SNAP91: variants seen among roughly 807,000 people sequenced by gnomAD.
The protein encoded by SNAP91 is clathrin coat assembly protein AP180.
A neutral mutation model predicts 100.3 loss-of-function variants in SNAP91; 27 were observed. The ratio of observed to expected loss-of-function variants is 0.27; its 90% CI spans 0.20 to 0.37. SNAP91 has a LOEUF of 0.37. Among genes scored for constraint, SNAP91 ranks in the 10% least tolerant of loss-of-function variants. The pLI is 1.00. For synonymous variants in SNAP91, 404 were observed against 398.6 expected (o/e 1.01, Z -0.16); for missense variants, 986 against 1,123.7 (o/e 0.88, Z 1.75).
chr6:83,574,503 T>G (rs1814566593), intron 26 of SNAP91, among the ~76,000 whole-genome samples: 2 of 152,106 alleles, frequency 1.3e-5, no homozygotes, highest in African/African-American at 4.8e-5. Flanking sequence ...TAAAATGAAC[T>G]TACACAATAA....
Position 83,582,551 on chromosome 6 carries a change from AG to A in SNAP91, c.2015-196del, listed in dbSNP as rs547755750. Reference sequence around the variant, plus strand: ...TTGAAATCTGACATGCATTAATGAGAGATTTAATTTAATTAGAAATAAGATA... The same window carrying A: ...TTGAAATCTGACATGCATTAATGAGAATTTAATTTAATTAGAAATAAGATA... On this transcript the variant is annotated intron_variant, in intron 22 of 29. Transcript: ENST00000369694. Among the ~76,000 whole-genome samples the A allele has an allele frequency of 2.6e-3, 395 of 152,326 alleles. 2 individuals are homozygous for A. Among genetic ancestry groups the A allele is most frequent in the Non-Finnish European group, 4.7e-3 (317 of 68,026 alleles).
intron 5 of SNAP91, among the ~76,000 whole-genome samples, chr6:83,659,905 A>C (rs2098504353): frequency 6.6e-6 from 1 of 152,184 alleles, no homozygotes; most frequent in Non-Finnish European, 1.5e-5. Flanking sequence ...CAAAGGTAAG[A>C]GTTTAGCTAC....
At chr6:83,605,030 C>A (rs2095522655) in intron 14 of SNAP91, among the ~76,000 whole-genome samples, 1 of 152,022 alleles carries the variant, frequency 6.6e-6, no homozygotes, top group African/African-American at 2.4e-5. Flanking sequence ...CATTATGAAG[C>A]AATTACTTTA....
intron 8 of SNAP91, among the ~76,000 whole-genome samples, chr6:83,629,555 T>C (rs2097121574): frequency 6.6e-6 from 1 of 152,068 alleles, no homozygotes; most frequent in African/African-American, 2.4e-5. Context: ...TAGTTTTCCT[T>C]GTAGAGGTCT....
At chr6:83,571,791 A>G (rs961967694) in intron 26 of SNAP91, among the ~76,000 whole-genome samples, 1 of 152,148 alleles carries the variant, frequency 6.6e-6, no homozygotes, top group African/African-American at 2.4e-5. Flanking sequence ...GAGCAGAATG[A>G]TATGGTTTGG....
chr6:83,651,678 A>G (rs963632049), intron 7 of SNAP91, among the ~76,000 whole-genome samples: 1 of 152,088 alleles, frequency 6.6e-6, no homozygotes, highest in African/African-American at 2.4e-5. Context: ...CTACTGGTGA[A>G]TGTTCTATGC....
intron 14 of SNAP91, 33 bp downstream of exon 14, chr6:83,605,652 A>G: frequency 6.5e-7 from 1 of 1,549,796 alleles, no homozygotes; most frequent in Non-Finnish European, 8.7e-7. Flanking sequence ...TAAAATGAAT[A>G]GAGAAATGGC....
At chr6:83,708,721 C>T (rs1190828853) in intron 1 of SNAP91, 124 bp downstream of exon 1, 1 of 152,554 alleles carries the variant, frequency 6.6e-6, no homozygotes, top group African/African-American at 2.4e-5. Flanking sequence ...CCCCGCCCGC[C>T]CTGGAGCGCT....
chr6:83,646,361 T>C (rs1464149979), intron 7 of SNAP91, among the ~76,000 whole-genome samples: 7 of 152,232 alleles, frequency 4.6e-5, no homozygotes. Context: ...TTTTGCATTT[T>C]ACATTTAGGT....
chr6:83,661,742 T>C (rs2098546796), intron 4 of SNAP91, 138 bp from the exon 5 acceptor site: 1 of 439,616 alleles, frequency 2.3e-6, no homozygotes, highest in Non-Finnish European at 4.0e-6. Flanking sequence ...ATAGATCTCA[T>C]TTAAAATCCT....
At chr6:83,633,883 G>A (rs2128490752) in intron 8 of SNAP91, among the ~76,000 whole-genome samples, 2 of 151,056 alleles carry the variant, frequency 1.3e-5, no homozygotes, top group East Asian at 4.0e-4. Context: ...CCTCCCCCGA[G>A]TTCTGGCCAA....
chr6:83,607,763 T>C lies in SNAP91; in HGVS notation c.958A>G (p.Lys320Glu). Residue 320 changes from lysine (K) to glutamate (E), a missense_variant, in exon 13 of 30, where the codon AAA becomes GAA. Coordinates refer to ENST00000369694, the MANE Select transcript of SNAP91 (RefSeq NM_001242792.2). ...TVTSPNSTPA[K>E]TIDTSPPVDL... ...ACCGGTGGGGATGTGTCAATAGTTT[T>C]AGCTGGTGTAGAATTAGGAGACGTA... 1.9e-6 allele frequency: 3 copies of C among 1,595,294 alleles called. No individual in the cohort carries two copies. Among genetic ancestry groups the C allele is most frequent in the Non-Finnish European group, 1.7e-6 (2 of 1,170,722 alleles).
chr6:83,612,982 C>T (rs913679189), intron 11 of SNAP91, among the ~76,000 whole-genome samples: 3 of 151,404 alleles, frequency 2.0e-5, no homozygotes, highest in African/African-American at 7.3e-5. Flanking sequence ...ATAACATCTT[C>T]TACCCCACAG....
intron 9 of SNAP91, among the ~76,000 whole-genome samples, chr6:83,620,643 T>A (rs1291587002): frequency 6.6e-6 from 1 of 152,124 alleles, no homozygotes; most frequent in African/African-American, 2.4e-5. Context: ...ACCACAGTAT[T>A]AAGAAATTTC....
intron 2 of SNAP91, among the ~76,000 whole-genome samples, chr6:83,670,046 AT>A: frequency 6.6e-6 from 1 of 152,082 alleles, no homozygotes; most frequent in East Asian, 1.9e-4. Context: ...TTAAGTAAAC[AT>A]TTAATTTTAG....
chr6:83,700,558 G>A (rs892161069), intron 2 of SNAP91, among the ~76,000 whole-genome samples: 1 of 151,518 alleles, frequency 6.6e-6, no homozygotes, highest in African/African-American at 2.4e-5. Flanking sequence ...TACAGATGAG[G>A]CTTATTACTG....
chr6:83,619,092 T>C (rs1326348123), intron 9 of SNAP91, among the ~76,000 whole-genome samples: 1 of 146,014 alleles, frequency 6.8e-6, no homozygotes, highest in Non-Finnish European at 1.5e-5. Flanking sequence ...GTGAGAAAAT[T>C]GAAAAAATAA....
chr6:83,623,153 AC>A, intron 9 of SNAP91, 147 bp downstream of exon 9: 1 of 572,390 alleles, frequency 1.7e-6, no homozygotes, highest in Middle Eastern at 3.2e-4. Flanking sequence ...ATGGCTAGAA[AC>A]AATAAATAAG....
At chr6:83,707,514 T>C (rs962596285) in intron 2 of SNAP91, among the ~76,000 whole-genome samples, 4 of 144,098 alleles carry the variant, frequency 2.8e-5, no homozygotes, top group African/African-American at 8.2e-5. Context: ...ATCTCTCTCT[T>C]GTGTGTGTGT....
Sources: gnomAD v4.1 joint callset for allele counts (sites outside exome capture counted in the v4.1 genomes callset) on GRCh38, gnomAD v4.1.1 for gene constraint, MANE v1.5 for transcripts, NCBI Gene and HGNC (gene_info 2026-07-23, HGNC 2026-07-21) for gene names.